The following ANO4 variants were observed in gnomAD, a reference collection of about 807,000 sequenced individuals.
ANO4 encodes anoctamin 4.
Under a neutral mutation model 141.9 loss-of-function variants are expected in ANO4, and 69 were observed. The observed-to-expected ratio is 0.49, with a 90% CI of 0.40 to 0.59. The LOEUF (loss-of-function observed/expected upper bound fraction) is 0.59. ANO4 is among the 20% of genes least tolerant of loss of function. The pLI, the probability that ANO4 is intolerant of heterozygous loss-of-function variation, is 0.00. For synonymous variants in ANO4, 350 were observed against 394.3 expected (o/e 0.89, Z 1.33); for missense variants, 894 against 1,162.2 (o/e 0.77, Z 3.36).
intron 22 of ANO4, among the ~76,000 whole-genome samples, chr12:101,103,268 A>G (rs922624109): frequency 7.0e-6 from 1 of 143,830 alleles, no homozygotes; most frequent in East Asian, 2.0e-4. Flanking sequence ...GACCTTTTAT[A>G]TAATGCTGGA....
intron 2 of ANO4, among the ~76,000 whole-genome samples, chr12:100,913,035 G>A (rs1370784501): frequency 9.2e-5 from 14 of 152,294 alleles, no homozygotes; most frequent in Non-Finnish European, 1.8e-4. Flanking sequence ...CTTGGCAAAT[G>A]TGGGCATTGG....
intron 5 of ANO4, among the ~76,000 whole-genome samples, chr12:100,946,495 G>A (rs1454686704): frequency 6.6e-6 from 1 of 152,152 alleles, no homozygotes; most frequent in African/African-American, 2.4e-5. Context: ...GATGGGAATT[G>A]CAGACAGATT....
chr12:100,878,950 A>G (rs2039440393), intron 1 of ANO4, among the ~76,000 whole-genome samples: 1 of 152,198 alleles, frequency 6.6e-6, no homozygotes, highest in African/African-American at 2.4e-5. Context: ...GTGCATCTCA[A>G]GTAACCAACC....
intron 14 of ANO4, among the ~76,000 whole-genome samples, chr12:101,055,384 G>C (rs1281573226): frequency 6.6e-6 from 1 of 152,146 alleles, no homozygotes; most frequent in African/African-American, 2.4e-5. Context: ...TGGGTATATG[G>C]TATTATCCCA....
intron 8 of ANO4, among the ~76,000 whole-genome samples, chr12:101,008,908 TTC>T (rs2045972300): frequency 6.6e-6 from 1 of 152,158 alleles, no homozygotes; most frequent in Non-Finnish European, 1.5e-5. Context: ...TATCCTAGGA[TTC>T]TCTTTGTCTT....
At chr12:101,075,417 T>C (rs1288394677) in intron 14 of ANO4, among the ~76,000 whole-genome samples, 2 of 151,242 alleles carry the variant, frequency 1.3e-5, no homozygotes, top group Non-Finnish European at 2.9e-5. Flanking sequence ...CAATGTAAAA[T>C]GATAGATTGG....
At chr12:100,793,189 C>T (rs550922845), upstream of ANO4, among the ~76,000 whole-genome samples, 9 of 152,340 alleles carry the variant, frequency 5.9e-5, no homozygotes, top group African/African-American at 1.9e-4. Context: ...AATTGATGTT[C>T]TTCAAATGTT....
intron 5 of ANO4, among the ~76,000 whole-genome samples, chr12:100,961,971 C>T (rs1255194375): frequency 6.6e-6 from 1 of 152,168 alleles, no homozygotes; most frequent in Non-Finnish European, 1.5e-5. Context: ...ACATGGGGAT[C>T]ACCAGGGTTG....
chr12:100,728,323 T>G (rs895968329), intron 1 of ANO4, among the ~76,000 whole-genome samples: 1 of 152,250 alleles, frequency 6.6e-6, no homozygotes, highest in African/African-American at 2.4e-5. Flanking sequence ...CCACACTTTT[T>G]CGCTAAGCAG....
chr12:100,977,373 C>A (rs1272788815), intron 7 of ANO4, among the ~76,000 whole-genome samples: 1 of 152,104 alleles, frequency 6.6e-6, no homozygotes, highest in Non-Finnish European at 1.5e-5. Context: ...GGCTCTACTT[C>A]CCACACAGTC....
intron 18 of ANO4, among the ~76,000 whole-genome samples, chr12:101,095,183 T>G (rs897293446): frequency 3.9e-5 from 6 of 152,218 alleles, no homozygotes; most frequent in African/African-American, 9.6e-5. Flanking sequence ...TGACAACAGA[T>G]AGCATTTACT....
chr12:101,075,731 A>T (rs922239824), intron 14 of ANO4, among the ~76,000 whole-genome samples: 1 of 143,100 alleles, frequency 7.0e-6, no homozygotes, highest in African/African-American at 2.5e-5. Flanking sequence ...ATATATCTTT[A>T]TATATATATA....
chr12:101,081,031 ATG>A (rs59054457), intron 15 of ANO4, among the ~76,000 whole-genome samples: 4 of 147,984 alleles, frequency 2.7e-5, no homozygotes, highest in Admixed American at 6.8e-5. Flanking sequence ...GAGTGTGTGT[ATG>A]TGTGTGTGTG....
At chr12:100,830,229 C>A (rs571958468) in intron 1 of ANO4, among the ~76,000 whole-genome samples, 23 of 152,096 alleles carry the variant, frequency 1.5e-4, no homozygotes, top group African/African-American at 5.1e-4. Flanking sequence ...CCTGAAGCAA[C>A]ACAGTTTGCT....
At chr12:100,747,385 T>C (rs1208035991) in intron 3 of ANO4, among the ~76,000 whole-genome samples, 1 of 152,196 alleles carries the variant, frequency 6.6e-6, no homozygotes, top group Non-Finnish European at 1.5e-5. Flanking sequence ...TTGCCCTGCC[T>C]GCTTCCCTAC....
chr12:100,914,203 C>G (rs750194356), intron 2 of ANO4, among the ~76,000 whole-genome samples: 37 of 152,160 alleles, frequency 2.4e-4, no homozygotes, highest in Non-Finnish European at 4.3e-4. Flanking sequence ...ATGATCTTAC[C>G]AATCCTGGAA....
At chr12:100,854,273 G>A (rs1286187390) in intron 1 of ANO4, among the ~76,000 whole-genome samples, 2 of 152,094 alleles carry the variant, frequency 1.3e-5, no homozygotes, top group Non-Finnish European at 2.9e-5. Context: ...GTCTGTCAAT[G>A]TAATTATGGT....
At chr12:101,093,556 A>G (rs978108524) in intron 17 of ANO4, among the ~76,000 whole-genome samples, 1 of 151,994 alleles carries the variant, frequency 6.6e-6, no homozygotes, top group Non-Finnish European at 1.5e-5. Context: ...TGATGTTTCA[A>G]TTATACCCAC....
intron 5 of ANO4, among the ~76,000 whole-genome samples, chr12:100,960,887 G>A (rs905232836): frequency 2.6e-5 from 4 of 152,156 alleles, no homozygotes; most frequent in African/African-American, 7.2e-5. Flanking sequence ...AGAAGAGTAG[G>A]GAAAACATTA....
Sources: gnomAD v4.1 joint callset for allele counts (sites outside exome capture counted in the v4.1 genomes callset) on GRCh38, gnomAD v4.1.1 for gene constraint, MANE v1.5 for transcripts, NCBI Gene and HGNC (gene_info 2026-07-23, HGNC 2026-07-21) for gene names.